ARSG: variants seen among roughly 807,000 people sequenced by gnomAD.
The protein encoded by ARSG is ASG.
Under a neutral mutation model 50.5 loss-of-function variants are expected in ARSG, and 37 were observed. The ratio of observed to expected loss-of-function variants is 0.73; its 90% confidence interval spans 0.56 to 0.96. ARSG has a LOEUF of 0.96. Among genes scored for constraint, ARSG ranks in the 50% least tolerant of loss-of-function variants. ARSG has a pLI of 0.00. For missense variants in ARSG, 629 were observed against 675.3 expected, an observed-to-expected ratio of 0.93 and a Z score of 0.76; for synonymous variants, 225 against 254.6, an observed-to-expected ratio of 0.88 and a Z score of 1.11.
At chr17:68,323,337 A>T (rs1454444433) in intron 2 of ARSG, among the ~76,000 whole-genome samples, 3 of 152,218 alleles carry the variant, frequency 2.0e-5, no homozygotes, top group Admixed American at 6.5e-5. Context: ...TAGGAAAAGG[A>T]CTCAAATTAA....
Position 68,379,421 on chromosome 17 carries a change from A to ATTTTTTTTTTTTTTT in ARSG, c.983-5628_983-5614dup, listed in dbSNP as rs375841879. ...GTGCCACCATGCCTGGAACACTACA[A>ATTTTTTTTTTTTTTT]TTTTTTTTTTTTTTTTTTTTTTTTT... On this transcript the variant is annotated intron_variant, in intron 8 of 11. Transcript: ENST00000621439. 5.7e-4 allele frequency among the ~76,000 whole-genome samples: 41 copies of ATTTTTTTTTTTTTTT among 72,268 alleles called. 3 individuals carry two copies. The highest frequency in any genetic ancestry group is 2.6e-3 in the African/African-American group (41 of 15,828). The allele number at this position is 72,268 out of a possible 152,430, so 47.4% of individuals were successfully genotyped here.
At chr17:68,362,954 A>C (rs2079367959) in intron 6 of ARSG, among the ~76,000 whole-genome samples, 1 of 152,160 alleles carries the variant, frequency 6.6e-6, no homozygotes, top group Admixed American at 6.6e-5. Flanking sequence ...TGAATGAATG[A>C]ATGAGTGAGT....
chr17:68,407,145 G>C (rs1341663986), intron 11 of ARSG, among the ~76,000 whole-genome samples: 3 of 152,136 alleles, frequency 2.0e-5, no homozygotes, highest in Admixed American at 2.0e-4. Context: ...CCCACTTTAT[G>C]TTTGTGTTGG....
intron 1 of ARSG, among the ~76,000 whole-genome samples, chr17:68,280,480 A>G (rs2075659651): frequency 6.6e-6 from 1 of 152,228 alleles, no homozygotes; most frequent in East Asian, 1.9e-4. Context: ...CCCTGAAATT[A>G]ATCCACATGT....
chr17:68,368,491 C>T, intron 6 of ARSG, 57 bp from the exon 7 acceptor site: 1 of 1,533,586 alleles, frequency 6.5e-7, no homozygotes, highest in Non-Finnish European at 9.0e-7. Context: ...ATCCCTGAGG[C>T]ACCAGATGAG....
the ARSG span, among the ~76,000 whole-genome samples, chr17:68,449,207 A>C: frequency 6.6e-6 from 1 of 152,240 alleles, no homozygotes; most frequent in East Asian, 1.9e-4. Flanking sequence ...GGTCACATAA[A>C]GAATCTCTTT....
chr17:68,419,440 G>T (rs1455585070), intron 11 of ARSG, among the ~76,000 whole-genome samples: 1 of 152,122 alleles, frequency 6.6e-6, no homozygotes, highest in Middle Eastern at 3.2e-3. Context: ...GCCGAGCGTG[G>T]TGGCAGGTGC....
At chr17:68,391,044 G>A (rs11654995) in intron 9 of ARSG, among the ~76,000 whole-genome samples, 24,765 of 151,598 alleles carry the variant, frequency 0.16, 3,960 homozygotes, top group African/African-American at 0.39. Flanking sequence ...GGGAAGCTTT[G>A]AAGTATAGGT....
At chr17:68,415,783 T>TGTCTG (rs2082328029) in intron 11 of ARSG, among the ~76,000 whole-genome samples, 1 of 152,234 alleles carries the variant, frequency 6.6e-6, no homozygotes. Flanking sequence ...GTCTCTGTCT[T>TGTCTG]TTTTAACTGC....
chr17:68,435,464 A>G, the ARSG span, among the ~76,000 whole-genome samples: 1 of 152,230 alleles, frequency 6.6e-6, no homozygotes, highest in Non-Finnish European at 1.5e-5. Context: ...TATACCACAC[A>G]TGCAGAGGCC....
At chr17:68,322,510 A>G (rs1332002844) in intron 2 of ARSG, among the ~76,000 whole-genome samples, 2 of 152,102 alleles carry the variant, frequency 1.3e-5, no homozygotes, top group African/African-American at 4.8e-5. Flanking sequence ...CCAGCTACTC[A>G]GGAGGCTGAG....
chr17:68,450,789 C>T, the ARSG span: 1 of 1,613,872 alleles, frequency 6.2e-7, no homozygotes, highest in Non-Finnish European at 8.5e-7. Flanking sequence ...GATCTCTGTG[C>T]CTTTCTTGAA....
At chr17:68,340,278 A>C (rs2078208497) in intron 2 of ARSG, among the ~76,000 whole-genome samples, 1 of 151,266 alleles carries the variant, frequency 6.6e-6, no homozygotes, top group South Asian at 2.1e-4. Flanking sequence ...CAAATACACT[A>C]ATTGTTCTTT....
At chr17:68,281,497 C>G (rs1442970171) in intron 1 of ARSG, among the ~76,000 whole-genome samples, 3 of 151,460 alleles carry the variant, frequency 2.0e-5, no homozygotes, top group African/African-American at 7.3e-5. Context: ...CTCACTTGAA[C>G]CTGGGAGGTG....
chr17:68,278,339 A>T (rs2075590841), intron 1 of ARSG: 3 of 1,577,498 alleles, frequency 1.9e-6, no homozygotes, highest in African/African-American at 2.7e-5. Context: ...TGAAAGAAAA[A>T]GTTAAAAGCA....
chr17:68,325,477 C>A (rs533506178), intron 2 of ARSG, among the ~76,000 whole-genome samples: 1 of 152,052 alleles, frequency 6.6e-6, no homozygotes, highest in Non-Finnish European at 1.5e-5. Flanking sequence ...TGAATCATCT[C>A]GAAACCATCC....
intron 1 of ARSG, among the ~76,000 whole-genome samples, chr17:68,300,981 G>A (rs2076393830): frequency 6.6e-6 from 1 of 151,964 alleles, no homozygotes; most frequent in South Asian, 2.1e-4. Flanking sequence ...AGCCGGGCGT[G>A]GTGGCGGGCG....
chr17:68,291,173 A>T (rs570369169), upstream of ARSG: 1 of 151,884 alleles, frequency 6.6e-6, no homozygotes, highest in East Asian at 2.0e-4. Context: ...GCTCGGTAAC[A>T]TGAGAAAAGG....
At chr17:68,410,386 G>A (rs1376278589) in intron 11 of ARSG, among the ~76,000 whole-genome samples, 9 of 147,020 alleles carry the variant, frequency 6.1e-5, no homozygotes, top group African/African-American at 2.3e-4. Context: ...ATAATCATGT[G>A]GTTTTTGTCT....
Sources: allele counts gnomAD v4.1 joint callset (sites outside exome capture counted in the v4.1 genomes callset), GRCh38; gene constraint gnomAD v4.1.1; transcripts MANE v1.5; gene names NCBI Gene and HGNC (gene_info 2026-07-23, HGNC 2026-07-21).